The following GALM variants were observed in gnomAD, a reference collection of about 807,000 sequenced individuals.
GALM encodes the protein galactose mutarotase.
In GALM, 43 loss-of-function variants were observed where a neutral mutation model predicts 37.4. That is an observed-to-expected ratio of 1.15 (90% CI 0.90 to 1.48). The LOEUF (loss-of-function observed/expected upper bound fraction) is 1.48, where lower values mean the gene tolerates loss of function less well. GALM is among the 40% of genes most tolerant of loss of function. The probability of loss-of-function intolerance (pLI) is 0.00; values close to 1 mark genes in which losing one functional copy is unlikely to be tolerated. For missense variants in GALM, 456 were observed against 419.1 expected (o/e 1.09, Z -0.77); for synonymous variants, 199 against 170.6 (o/e 1.17, Z -1.30).
intron 4 of GALM, among the ~76,000 whole-genome samples, chr2:38,708,746 A>AG (rs1234959809): frequency 6.6e-6 from 1 of 151,970 alleles, no homozygotes; most frequent in African/African-American, 2.4e-5. Flanking sequence ...AAAAAAAAAA[A>AG]AAAGAAAGTG....
In GALM at chr2:38,733,747, T is replaced by C; in HGVS notation, c.*182T>C. ...TTTTCCAGTGACTGGCTCCAGGCCA[T>C]GTCTAATGACCAGCTCGATTCCCTG... On this transcript the variant is annotated 3_prime_UTR_variant, in exon 7 of 7. Transcript: ENST00000272252. 1.7e-6 allele frequency: 1 copy of C among 605,178 alleles called. No individual in the cohort carries two copies. The highest frequency in any genetic ancestry group is 3.2e-5 in the East Asian group (1 of 31,696). The allele number at this position is 605,178 out of a possible 1,614,324, so 37.5% of individuals were successfully genotyped here.
intron 4 of GALM, among the ~76,000 whole-genome samples, chr2:38,699,312 G>T (rs1665871298): frequency 6.6e-6 from 1 of 152,284 alleles, no homozygotes; most frequent in Non-Finnish European, 1.5e-5. Flanking sequence ...GGGATATTTT[G>T]ATACATGTTT....
chr2:38,666,313 G>C lies in GALM; in HGVS notation c.152G>C (p.Arg51Thr), dbSNP rs1293677444. 1.2e-6 allele frequency: 2 copies of C among 1,613,704 alleles called. No individual in the cohort carries two copies. The highest frequency in any genetic ancestry group is 1.3e-5 in the African/African-American group (1 of 75,038). ...TALEVKDRQG[R>T]ASDVVLGFAE... Reference sequence around the variant, plus strand: ...CTAGAGGTCAAAGACAGGCAGGGGAGAGCCTCGGACGTGGTGCTTGGCTTC... The same window carrying C: ...CTAGAGGTCAAAGACAGGCAGGGGACAGCCTCGGACGTGGTGCTTGGCTTC... The change falls in exon 1 of 7, where the codon AGA becomes ACA. Residue 51 changes from arginine to threonine, a missense_variant. Physicochemically the swap from Arg to Thr is moderately conservative, Grantham distance 71. Coordinates refer to ENST00000272252, the MANE Select transcript of GALM (RefSeq NM_138801.3).
intron 1 of GALM, 33 bp downstream of exon 1, chr2:38,666,384 GC>G: frequency 3.3e-6 from 5 of 1,521,668 alleles, no homozygotes; most frequent in South Asian, 1.2e-5. Flanking sequence ...CTGCGAGCAG[GC>G]CCCAGGCCCA....
In GALM at chr2:38,729,702, G is replaced by A. The variant is rs1312106046; in HGVS notation, c.776+5G>A. The A allele has an allele frequency of 1.1e-5, 17 of 1,609,940 alleles. No individual in the cohort carries two copies. Among genetic ancestry groups the A allele is most frequent in the African/African-American group, 4.0e-5 (3 of 74,802 alleles). On this transcript the variant is annotated splice_donor_5th_base_variant and intron_variant, in intron 5 of 6. Transcript: ENST00000272252. ...AGAAAAGCATTTTTGTGCAAGGTCA[G>A]GTACTTTTCACTTCCTGAGTCTGTA...
At chr2:38,716,491 A>G (rs1287013094) in intron 4 of GALM, among the ~76,000 whole-genome samples, 1 of 152,236 alleles carries the variant, frequency 6.6e-6, no homozygotes, top group Non-Finnish European at 1.5e-5. Flanking sequence ...AACATATTCT[A>G]TAGACCAAGG....
chr2:38,674,625 C>T (rs1166288804), intron 1 of GALM, among the ~76,000 whole-genome samples: 1 of 152,046 alleles, frequency 6.6e-6, no homozygotes, highest in Non-Finnish European at 1.5e-5. Context: ...TACTCTATAT[C>T]CTTGTGTATT....
chr2:38,682,057 C>T (rs1354221120), intron 3 of GALM, among the ~76,000 whole-genome samples: 1 of 152,176 alleles, frequency 6.6e-6, no homozygotes, highest in African/African-American at 2.4e-5. Flanking sequence ...ATAACACTAC[C>T]TACTATTTGT....
chr2:38,698,720 G>A (rs1665860371), intron 4 of GALM, among the ~76,000 whole-genome samples: 1 of 151,872 alleles, frequency 6.6e-6, no homozygotes, highest in Non-Finnish European at 1.5e-5. Flanking sequence ...TGGATGTCCA[G>A]AGACAGAGAA....
chr2:38,692,133 C>T (rs1665692808), intron 4 of GALM, among the ~76,000 whole-genome samples: 1 of 152,154 alleles, frequency 6.6e-6, no homozygotes, highest in Admixed American at 6.5e-5. Flanking sequence ...GCTGCAACTT[C>T]AGAGCTCATG....
At chr2:38,707,075 T>G (rs1572532468) in intron 4 of GALM, among the ~76,000 whole-genome samples, 1 of 135,220 alleles carries the variant, frequency 7.4e-6, no homozygotes, top group South Asian at 2.5e-4. Context: ...GAGATGGGGA[T>G]GTTCAGTGAG....
intron 4 of GALM, among the ~76,000 whole-genome samples, chr2:38,697,951 T>G (rs1396061119): frequency 2.1e-5 from 3 of 140,548 alleles, no homozygotes; most frequent in South Asian, 2.3e-4. Context: ...GGTTTTGGGG[T>G]TTTTTTTTTT....
chr2:38,727,428 A>G (rs1016022227), intron 4 of GALM, among the ~76,000 whole-genome samples: 1 of 151,700 alleles, frequency 6.6e-6, no homozygotes, highest in Non-Finnish European at 1.5e-5. Flanking sequence ...AGCAGTTCTG[A>G]GTTTAAGAAA....
chr2:38,672,436 GAGA>G (rs1665132489), intron 1 of GALM, among the ~76,000 whole-genome samples: 1 of 152,200 alleles, frequency 6.6e-6, no homozygotes, highest in Admixed American at 6.5e-5. Flanking sequence ...TTTTCAGAAA[GAGA>G]AGAAGGTGGG....
chr2:38,675,543 T>TTGTG (rs1160196072), intron 1 of GALM, among the ~76,000 whole-genome samples: 425 of 33,536 alleles, frequency 0.013, 10 homozygotes, highest in Middle Eastern at 0.016. Flanking sequence ...TTTTTTTTTT[T>TTGTG]TGTGTGTGTG....
intron 1 of GALM, chr2:38,669,534 A>G (rs532259268): frequency 6.6e-6 from 1 of 152,192 alleles, no homozygotes; most frequent in South Asian, 2.1e-4. Context: ...TCCTGCTACA[A>G]CAGCCTAGAA....
chr2:38,699,732 A>G (rs944842978), intron 4 of GALM, among the ~76,000 whole-genome samples: 1 of 152,196 alleles, frequency 6.6e-6, no homozygotes, highest in African/African-American at 2.4e-5. Flanking sequence ...GTATTTGTAC[A>G]ATTTCAAAAG....
intron 1 of GALM, among the ~76,000 whole-genome samples, chr2:38,671,769 A>G (rs1280899975): frequency 2.0e-5 from 3 of 152,140 alleles, no homozygotes; most frequent in African/African-American, 7.2e-5. Context: ...AGGTGGGAGG[A>G]TCACTTGAGC....
In GALM at chr2:38,689,315, G is replaced by A. The variant is rs532219264; in HGVS notation, c.553-498G>A. ...GCAAATTCTCAAAAGCAGGGACTGCGGTTCTGACACCTGGGCTTCTGTCAT... is the reference window on the plus strand; with the variant it reads ...GCAAATTCTCAAAAGCAGGGACTGCAGTTCTGACACCTGGGCTTCTGTCAT... On this transcript the variant is annotated intron_variant, in intron 3 of 6. Transcript: ENST00000272252. Among the ~76,000 whole-genome samples the A allele has an allele frequency of 5.3e-5, 8 of 152,276 alleles. No individual in the cohort carries two copies. The South Asian group carries it at 1.2e-3, about 24-fold the overall frequency.
Sources: gnomAD v4.1 joint callset for allele counts (sites outside exome capture counted in the v4.1 genomes callset) on GRCh38, gnomAD v4.1.1 for gene constraint, MANE v1.5 for transcripts, NCBI Gene and HGNC (gene_info 2026-07-23, HGNC 2026-07-21) for gene names.